ACIN1: variants seen among roughly 807,000 people sequenced by gnomAD.
The protein encoded by ACIN1 is apoptotic chromatin condensation inducer in the nucleus.
Under a neutral mutation model 146.6 loss-of-function variants are expected in ACIN1, and 16 were observed. The ratio of observed to expected loss-of-function variants is 0.11; its 90% CI spans 0.07 to 0.17. ACIN1 has a LOEUF of 0.17. Ranked by LOEUF, ACIN1 falls within the 10% of genes least tolerant of loss-of-function variation. The probability of loss-of-function intolerance (pLI) is 1.00; values close to 1 mark genes in which losing one functional copy is unlikely to be tolerated. For missense variants in ACIN1, 1,357 were observed against 1,609.3 expected, an observed-to-expected ratio of 0.84 and a Z score of 2.68; for synonymous variants, 569 against 582.7, an observed-to-expected ratio of 0.98 and a Z score of 0.34.
chr14:23,071,326 C>T, intron 8 of ACIN1: 6 of 1,511,352 alleles, frequency 4.0e-6, no homozygotes, highest in Non-Finnish European at 5.3e-6. Flanking sequence ...TGAGATGTAG[C>T]AACCGGGGAT....
chr14:23,065,882 A>G (rs1185674182), intron 10 of ACIN1, 84 bp downstream of exon 10: 2 of 1,303,438 alleles, frequency 1.5e-6, no homozygotes, highest in Non-Finnish European at 2.2e-6. Context: ...CAAGAATGCC[A>G]TTGAGAATGA....
intron 8 of ACIN1, 24 bp from the exon 9 acceptor site, chr14:23,069,641 T>TGGTGGG: frequency 3.2e-6 from 1 of 309,220 alleles, no homozygotes; most frequent in Admixed American, 5.3e-5. Context: ...GGAGTGGTGG[T>TGGTGGG]GGGGGGGCGG....
intron 8 of ACIN1, among the ~76,000 whole-genome samples, chr14:23,073,624 C>T (rs1311211132): frequency 1.3e-5 from 2 of 152,108 alleles, no homozygotes; most frequent in East Asian, 3.9e-4. Context: ...TGCCATTGCA[C>T]TCCAGCCTGG....
intron 8 of ACIN1, among the ~76,000 whole-genome samples, chr14:23,071,939 AAAG>A (rs1351854348): frequency 6.6e-6 from 1 of 152,224 alleles, no homozygotes; most frequent in East Asian, 1.9e-4. Context: ...AAAAGTGATT[AAAG>A]AAGGATGGTA....
chr14:23,070,524 A>C (rs1461070401), intron 8 of ACIN1, among the ~76,000 whole-genome samples: 2 of 151,990 alleles, frequency 1.3e-5, no homozygotes, highest in African/African-American at 4.8e-5. Context: ...TTAATCTCAC[A>C]AGTTAGCTCC....
chr14:23,091,637 T>C (rs1008395493), intron 2 of ACIN1, among the ~76,000 whole-genome samples: 9 of 151,558 alleles, frequency 5.9e-5, no homozygotes, highest in Non-Finnish European at 1.3e-4. Flanking sequence ...TTTTTTTTTT[T>C]TTTTTTGAGA....
At chr14:23,071,707 C>A in intron 8 of ACIN1, 1 of 741,420 alleles carries the variant, frequency 1.3e-6, no homozygotes, top group Non-Finnish European at 2.1e-6. Context: ...AGAGGCCTGG[C>A]CTTCTTTTCT....
At chr14:23,066,973 C>A (rs978225755) in intron 9 of ACIN1, among the ~76,000 whole-genome samples, 1 of 152,108 alleles carries the variant, frequency 6.6e-6, no homozygotes, top group African/African-American at 2.4e-5. Context: ...CTCTACCACT[C>A]TTCTAAAGGG....
chr14:23,081,705 A>C, intron 5 of ACIN1, 43 bp downstream of exon 5: 1 of 1,477,054 alleles, frequency 6.8e-7, no homozygotes, highest in Non-Finnish European at 9.3e-7. Context: ...AGATATCCAA[A>C]GCATTACTGA....
At chr14:23,077,999 T>G in intron 8 of ACIN1, 152 bp downstream of exon 8, 1 of 667,670 alleles carries the variant, frequency 1.5e-6, no homozygotes, top group East Asian at 2.9e-5. Context: ...GCTCCCAACA[T>G]AGTAACTGAA....
At chr14:23,069,651 G>T in intron 8 of ACIN1, 34 bp from the exon 9 acceptor site, 1 of 1,053,614 alleles carries the variant, frequency 9.5e-7, no homozygotes, top group African/African-American at 1.6e-5. Flanking sequence ...TGGGGGGGCG[G>T]GCAGAAAAGA....
chr14:23,071,533 C>T (rs1424672766), intron 8 of ACIN1: 1 of 1,551,284 alleles, frequency 6.4e-7, no homozygotes, highest in Non-Finnish European at 8.7e-7. Context: ...CAGCGATCAG[C>T]CGGAGACATG....
chr14:23,090,185 G>T, intron 3 of ACIN1, 84 bp from the exon 4 acceptor site: 1 of 1,523,488 alleles, frequency 6.6e-7, no homozygotes. Flanking sequence ...AGGAGGTCAG[G>T]CAAAGTCACA....
At position 23,090,623 on chromosome 14, in the gene ACIN1, T is replaced by G; in HGVS notation, c.215A>C (p.Glu72Ala). The part of the protein sequence containing the change: ...AFQPNSQIGE[E>A]MSQNSFIKQY... ...TTTTATGAAACTGTTCTGGCTCATT[T>G]CCTCACCAATCTGTGTAGAGGAAAT... is the stretch of plus-strand genomic sequence containing the variant. Residue 72 changes from glutamate (E) to alanine (A), a missense_variant, in exon 3 of 19, where the codon GAA (glutamate) becomes GCA (alanine). Transcript: ENST00000605057. 1.9e-6 allele frequency: 3 copies of G among 1,613,584 alleles called. No individual in the cohort carries two copies. The highest frequency in any genetic ancestry group is 2.5e-6 in the Non-Finnish European group (3 of 1,179,866).
chr14:23,082,388 G>T (rs927490253), intron 4 of ACIN1, among the ~76,000 whole-genome samples: 1 of 150,816 alleles, frequency 6.6e-6, no homozygotes, highest in Non-Finnish European at 1.5e-5. Flanking sequence ...ACTGGATGGG[G>T]TTTCAGAATT....
Position 23,071,352 on chromosome 14 carries a change from TGGAAGGGGA to T in ACIN1, c.2124-1744_2124-1736del, listed in dbSNP as rs1234184847. The T allele has an allele frequency of 2.8e-4, 431 of 1,521,790 alleles. 1 individual carries two copies. The Middle Eastern group carries it at 0.012, about 42-fold the overall frequency. The allele number at this position is 1,521,790 out of a possible 1,614,324, so 94.3% of individuals were successfully genotyped here. On this transcript the variant is annotated intron_variant, in intron 8 of 18. Transcript: ENST00000605057. ...AACCGGGGATCCAAAAAATGGTAAA[TGGAAGGGGA>T]GGTGGTGGTGGTGCGGGGAGGCTAA... is the stretch of plus-strand genomic sequence containing the variant.
At chr14:23,070,283 A>G (rs191380948) in intron 8 of ACIN1, among the ~76,000 whole-genome samples, 2 of 152,156 alleles carry the variant, frequency 1.3e-5, no homozygotes, top group Admixed American at 1.3e-4. Context: ...ACCCTCTCTC[A>G]TTCAAAAGGA....
intron 8 of ACIN1, among the ~76,000 whole-genome samples, chr14:23,070,910 A>G (rs116462006): frequency 0.012 from 1,793 of 152,278 alleles, 35 homozygotes; most frequent in African/African-American, 0.041. Flanking sequence ...GCTTACATCT[A>G]GAGAAAAGGC....
intron 5 of ACIN1, among the ~76,000 whole-genome samples, chr14:23,081,335 T>C (rs555042170): frequency 8.5e-5 from 13 of 152,342 alleles, no homozygotes; most frequent in African/African-American, 2.4e-4. Flanking sequence ...GCTTTAAGAA[T>C]ACAGAGCAGC....
Sources: allele counts gnomAD v4.1 joint callset (sites outside exome capture counted in the v4.1 genomes callset), GRCh38; gene constraint gnomAD v4.1.1; transcripts MANE v1.5; gene names NCBI Gene and HGNC (gene_info 2026-07-23, HGNC 2026-07-21).